The following FAM234B variants were observed in gnomAD, a reference collection of about 807,000 sequenced individuals.
The protein encoded by FAM234B is family with sequence similarity 234 member B, also known as protein FAM234B.
A neutral mutation model predicts 69.3 loss-of-function variants in FAM234B; 33 were observed. That is an observed-to-expected ratio of 0.48 (90% CI 0.36 to 0.64). The LOEUF (loss-of-function observed/expected upper bound fraction) is 0.64, where lower values mean the gene tolerates loss of function less well. Among genes scored for constraint, FAM234B ranks in the 30% least tolerant of loss-of-function variants. The pLI is 0.00. For missense variants in FAM234B, 697 were observed against 769.7 expected (o/e 0.91, Z 1.12); for synonymous variants, 306 against 306.9 (o/e 1.00, Z 0.03).
At position 13,080,668 on chromosome 12, in the gene FAM234B, G is replaced by A. The variant is rs1405187527; in HGVS notation, c.*38G>A. On this transcript the variant is annotated 3_prime_UTR_variant, in exon 13 of 13. Coordinates refer to ENST00000197268, the MANE Select transcript of FAM234B (RefSeq NM_020853.2). ...TTCAGTTGCAGAAGAAGTGAACAGA[G>A]TGGATACCCTCTCTACTCTCCTGTC... is the stretch of plus-strand genomic sequence containing the variant. 1.3e-6 allele frequency: 2 copies of A among 1,558,564 alleles called. No homozygotes were observed. The highest frequency in any genetic ancestry group is 1.8e-6 in the Non-Finnish European group (2 of 1,130,178).
Position 13,067,014 on chromosome 12 carries a change from C to A in FAM234B, c.1001-141C>A. ...TTGTCCAGCACCCACTTAATCACCT[C>A]CCCACTTGTTCCGTGTTGTCCAGTC... On this transcript the variant is annotated intron_variant, in intron 6 of 12. Coordinates refer to ENST00000197268, the MANE Select transcript of FAM234B (RefSeq NM_020853.2). This position sits in a 1 kb window ranked among gnomAD's most constrained non-coding sequence, Gnocchi z 4.7. The A allele has an allele frequency of 9.7e-7, 1 of 1,034,022 alleles. No homozygotes were observed. The highest frequency in any genetic ancestry group is 1.4e-6 in the Non-Finnish European group (1 of 702,884). 64.1% of individuals were successfully genotyped at this position (1,034,022 alleles called of 1,614,324 possible). A position where few individuals can be genotyped will look rare whatever the true frequency, so the allele number is the denominator to read the frequency against.
At chr12:13,078,405 C>G (rs1352635817) in intron 11 of FAM234B, among the ~76,000 whole-genome samples, 2 of 152,122 alleles carry the variant, frequency 1.3e-5, no homozygotes, top group Non-Finnish European at 2.9e-5. Flanking sequence ...GGTTTTAGGT[C>G]TAACGTTTAA....
Position 13,068,688 on chromosome 12 carries a change from C to T in FAM234B, c.1345C>T (p.Gln449Ter), listed in dbSNP as rs1401738304. Residue 449 changes from glutamine (Q) to a stop codon, truncating the protein, a stop_gained, in exon 9 of 13, where the codon CAG becomes TAG. Coordinates refer to ENST00000197268, the MANE Select transcript of FAM234B (RefSeq NM_020853.2). LOFTEE classifies it high-confidence loss of function. Reference protein sequence around the residue: ...DQTLDFLLQIQDGVGMKKMMV... With the variant: ...DQTLDFLLQI ...GACATTAGATTTCCTTCTGCAGATA[C>T]AGGATGGAGTTGGGATGAAAAAGGT... 19 of 1,611,110 alleles carry T rather than the reference C, an allele frequency of 1.2e-5. No individual in the cohort carries two copies.
rs753677077 is a variant in FAM234B at position 13,044,403 on chromosome 12, C to A, written c.-1C>A. 5.8e-6 allele frequency: 9 copies of A among 1,551,648 alleles called. No individual in the cohort carries two copies. Among genetic ancestry groups the A allele is most frequent in the Non-Finnish European group, 7.8e-6 (9 of 1,147,538 alleles). Reference sequence around the variant, plus strand: ...CGCGCACGCGCACCGGGGCCTCAGCCATGGCGACCGTGCTGTCCAGGGCGC... The same window carrying A: ...CGCGCACGCGCACCGGGGCCTCAGCAATGGCGACCGTGCTGTCCAGGGCGC... On this transcript the variant is annotated 5_prime_UTR_variant, in exon 1 of 13. Transcript: ENST00000197268. The surrounding 1 kb of genome is among the most constrained non-coding windows in gnomAD (Gnocchi z 5.6).
intron 1 of FAM234B, among the ~76,000 whole-genome samples, chr12:13,046,451 T>G (rs879925554): frequency 2.0e-5 from 3 of 151,830 alleles, no homozygotes; most frequent in Non-Finnish European, 4.4e-5. Context: ...TCTTTGTTTG[T>G]TTTTTTGTTT....
At chr12:13,054,231 G>A (rs1003415711) in intron 1 of FAM234B, among the ~76,000 whole-genome samples, 2 of 148,818 alleles carry the variant, frequency 1.3e-5, no homozygotes, top group Admixed American at 6.7e-5. Flanking sequence ...GTATTAATAG[G>A]GAAGTGATAA....
rs1345382428 is a variant in FAM234B at position 13,076,046 on chromosome 12, G to GC, written c.1547dup (p.Pro517AlafsTer35). The GC allele has an allele frequency of 5.0e-6, 8 of 1,614,034 alleles. No homozygotes were observed. Among genetic ancestry groups the GC allele is most frequent in the Non-Finnish European group, 6.8e-6 (8 of 1,179,952 alleles). On this transcript the variant is annotated frameshift_variant, in exon 11 of 13. Transcript: ENST00000197268. LOFTEE classifies it high-confidence loss of function. ...ATCAGGATATCATCCTAGGAACTGA[G>GC]CCGCCCAGCCTTCACCACCTTTACC...
At chr12:13,057,158 A>T (rs1864938888) in intron 2 of FAM234B, among the ~76,000 whole-genome samples, 1 of 151,904 alleles carries the variant, frequency 6.6e-6, no homozygotes, top group Non-Finnish European at 1.5e-5. Context: ...TTGTATTTTC[A>T]GTAGAGACGG....
intron 8 of FAM234B, 56 bp downstream of exon 8, chr12:13,068,503 A>G: frequency 1.2e-6 from 2 of 1,603,938 alleles, no homozygotes; most frequent in Non-Finnish European, 1.7e-6. Context: ...CCCATGTTTA[A>G]AAATTGTCCA....
rs763515615 is a variant in FAM234B, at chr12:13,076,160, G to T, written c.1642+17G>T. 4 of 1,543,072 alleles carry T rather than the reference G, an allele frequency of 2.6e-6. No individual in the cohort carries two copies. The highest frequency in any genetic ancestry group is 2.2e-5 in the East Asian group (1 of 44,516). Reference sequence around the variant, plus strand: ...CTTCAGAGGGTGAGTCCCAGTGCCAGCGGGAGTCTGTGTACGCAGATGGTG... The same window carrying T: ...CTTCAGAGGGTGAGTCCCAGTGCCATCGGGAGTCTGTGTACGCAGATGGTG... On this transcript the variant is annotated intron_variant, in intron 11 of 12. Coordinates refer to ENST00000197268, the MANE Select transcript of FAM234B (RefSeq NM_020853.2).
intron 1 of FAM234B, among the ~76,000 whole-genome samples, chr12:13,051,276 A>G (rs918930269): frequency 3.0e-4 from 45 of 152,334 alleles, no homozygotes; most frequent in African/African-American, 8.9e-4. Context: ...AGTACATAGC[A>G]TGATAAAAAT....
At chr12:13,061,067 T>C (rs902407597) in intron 3 of FAM234B, among the ~76,000 whole-genome samples, 3 of 152,258 alleles carry the variant, frequency 2.0e-5, no homozygotes, top group African/African-American at 7.2e-5. Flanking sequence ...TTATTAGTGA[T>C]GATTAGAATT....
intron 12 of FAM234B, among the ~76,000 whole-genome samples, chr12:13,080,360 A>G (rs1865211304): frequency 1.3e-5 from 2 of 152,166 alleles, no homozygotes; most frequent in Admixed American, 6.5e-5. Context: ...ACATACTACA[A>G]AGAATCATCT....
chr12:13,077,981 T>G (rs1865180805), intron 11 of FAM234B, among the ~76,000 whole-genome samples: 1 of 151,138 alleles, frequency 6.6e-6, no homozygotes, highest in East Asian at 1.9e-4. Flanking sequence ...TGAGATGGTA[T>G]CTCATTGTGG....
At chr12:13,064,965 T>C (rs1234668380) in intron 5 of FAM234B, among the ~76,000 whole-genome samples, 1 of 152,198 alleles carries the variant, frequency 6.6e-6, no homozygotes, top group Non-Finnish European at 1.5e-5. Context: ...GGAAGGGACC[T>C]TGAAGACCAT....
In FAM234B at chr12:13,061,735, G is replaced by T. The variant is rs371752869; in HGVS notation, c.693G>T (p.Lys231Asn). ...TCTGCCTTGTGACAGGGACACACAA[G>T]ATGCTCAGCGCATTCAATGCAACGT... The part of the protein sequence containing the change: ...ETICLVTGTH[K>N]MLSAFNATSG... The change falls in exon 4 of 13, where the codon AAG becomes AAT. Residue 231 changes from lysine (K) to asparagine (N), a missense_variant. This residue lies in a region of FAM234B where 380 missense variants were observed against 447.1 expected (regional missense o/e 0.85). Transcript: ENST00000197268. The T allele has an allele frequency of 6.2e-7, 1 of 1,614,074 alleles. No homozygotes were observed. The highest frequency in any genetic ancestry group is 1.3e-5 in the African/African-American group (1 of 75,038).
chr12:13,047,300 AG>A (rs1223918276), intron 1 of FAM234B, among the ~76,000 whole-genome samples: 1 of 152,228 alleles, frequency 6.6e-6, no homozygotes. Flanking sequence ...GCCATTTTAA[AG>A]TTTGAAGGTC....
In FAM234B at chr12:13,079,824, G is replaced by A. The variant is rs779317141; in HGVS notation, c.1678G>A (p.Val560Ile). 1.2e-5 allele frequency: 19 copies of A among 1,613,840 alleles called. No homozygotes were observed. The highest frequency in any genetic ancestry group is 5.5e-5 in the South Asian group (5 of 91,044). The change falls in exon 12 of 13, where the codon GTT becomes ATT. Residue 560 changes from valine to isoleucine, a missense_variant. Coordinates refer to ENST00000197268, the MANE Select transcript of FAM234B (RefSeq NM_020853.2). ...INDLWKDAFY[V>I]TRTTGPSSEG... ...CGACCTCTGGAAAGATGCCTTTTAT[G>A]TTACCAGGACAACAGGGCCAAGCTC... is the stretch of plus-strand genomic sequence containing the variant.
In FAM234B at chr12:13,061,558, C is replaced by A; in HGVS notation, c.533-17C>A. On this transcript the variant is annotated splice_polypyrimidine_tract_variant and intron_variant, in intron 3 of 12. Coordinates refer to ENST00000197268, the MANE Select transcript of FAM234B (RefSeq NM_020853.2). The stretch of plus-strand genomic sequence containing the variant: ...TTTGCCTGCTTTCCTTTTTTTATCT[C>A]TCTTGTGTGCTTTTAGGTGTCTCAA... 6.3e-7 allele frequency: 1 copy of A among 1,596,632 alleles called. No homozygotes were observed. Among genetic ancestry groups the A allele is most frequent in the Middle Eastern group, 1.8e-4 (1 of 5,630 alleles).
Sources: gnomAD v4.1 joint callset for allele counts (sites outside exome capture counted in the v4.1 genomes callset) on GRCh38, gnomAD v4.1.1 for gene constraint, gnomAD v4.1.1 regional missense constraint, Gnocchi (gnomAD v3.1) non-coding constraint, MANE v1.5 for transcripts, NCBI Gene and HGNC (gene_info 2026-07-23, HGNC 2026-07-21) for gene names.